The following NOTCH4 variants were observed in gnomAD, a reference collection of about 807,000 sequenced individuals.
NOTCH4 encodes notch receptor 4.
A neutral mutation model predicts 189.0 loss-of-function variants in NOTCH4; 138 were observed. The observed-to-expected ratio is 0.73, with a 90% CI of 0.64 to 0.84. The LOEUF (loss-of-function observed/expected upper bound fraction) is 0.84. NOTCH4 is among the 40% of genes least tolerant of loss of function. NOTCH4 has a pLI of 0.00. For missense variants in NOTCH4, 2,286 were observed against 2,605.4 expected (o/e 0.88, Z 2.67); for synonymous variants, 942 against 1,032.8 (o/e 0.91, Z 1.69).
chr6:32,212,822 AC>A lies in NOTCH4; in HGVS notation c.2526+1del, dbSNP rs1457393608. The A allele has an allele frequency of 6.5e-7, 1 of 1,529,154 alleles. No individual in the cohort carries two copies. Among genetic ancestry groups the A allele is most frequent in the East Asian group, 2.4e-5 (1 of 40,932 alleles). The allele number at this position is 1,529,154 out of a possible 1,614,324, so 94.7% of individuals were successfully genotyped here. Reference sequence around the variant, plus strand: ...AGCACGCCTGACTTCAATGGCCCTCACCTGGCAGCTGCCTCCGGTGTAGCCA... The same window carrying A: ...AGCACGCCTGACTTCAATGGCCCTCACTGGCAGCTGCCTCCGGTGTAGCCA... On this transcript the variant is annotated splice_donor_variant, in intron 16 of 29. Transcript: ENST00000375023. LOFTEE classifies it high-confidence loss of function. This position sits in a 1 kb window ranked among gnomAD's most constrained non-coding sequence, Gnocchi z 4.4.
Position 32,197,595 on chromosome 6 carries a change from C to T in NOTCH4, c.4757-1G>A. Reference sequence around the variant, plus strand: ...GCTGACATCAGGGGTGTCACCCCATCTGTTGGTAAGACAGAGTAATGGGTC... The same window carrying T: ...GCTGACATCAGGGGTGTCACCCCATTTGTTGGTAAGACAGAGTAATGGGTC... On this transcript the variant is annotated splice_acceptor_variant, in intron 26 of 29. Coordinates refer to ENST00000375023, the MANE Select transcript of NOTCH4 (RefSeq NM_004557.4). LOFTEE classifies it high-confidence loss of function. 2 of 1,608,454 alleles carry T rather than the reference C, an allele frequency of 1.2e-6. No individual in the cohort carries two copies. The highest frequency in any genetic ancestry group is 1.7e-6 in the Non-Finnish European group (2 of 1,177,440).
rs781620251 is a variant in NOTCH4, at chr6:32,198,737, A to G, written c.4536-7T>C. 6.8e-6 allele frequency: 11 copies of G among 1,608,020 alleles called. No homozygotes were observed. The highest frequency in any genetic ancestry group is 9.3e-6 in the Non-Finnish European group (11 of 1,177,670). On this transcript the variant is annotated splice_polypyrimidine_tract_variant and splice_region_variant and intron_variant, in intron 24 of 29. Coordinates refer to ENST00000375023, the MANE Select transcript of NOTCH4 (RefSeq NM_004557.4). The surrounding 1 kb of genome is among the most constrained non-coding windows in gnomAD (Gnocchi z 5.5). ...TGCCTTTGGCTTCAGTGCCCTGGAA[A>G]GGAATGGGTGGGTAGAGGTTACACG...
chr6:32,201,930 C>T lies in NOTCH4; in HGVS notation c.3755+146G>A, dbSNP rs149444514. ...ACCCTAGGTTGGAGTCCAGAGTCTT[C>T]GACCCCTGTTTAGTGATGGTTATTA... On this transcript the variant is annotated intron_variant, in intron 21 of 29. Transcript: ENST00000375023. This position sits in a 1 kb window ranked among gnomAD's most constrained non-coding sequence, Gnocchi z 5.5. 2.6e-5 allele frequency: 18 copies of T among 704,900 alleles called. No individual in the cohort carries two copies. The highest frequency in any genetic ancestry group is 2.2e-4 in the African/African-American group (12 of 55,238). 43.7% of individuals were successfully genotyped at this position (704,900 alleles called of 1,614,324 possible).
chr6:32,202,153 G>A lies in NOTCH4; in HGVS notation c.3678C>T (p.Asp1226=), dbSNP rs897448132. 1.4e-5 allele frequency: 21 copies of A among 1,517,528 alleles called. No individual in the cohort carries two copies. In the East Asian group the frequency reaches 2.3e-4, roughly 16 times the overall value. 94.0% of individuals were successfully genotyped at this position (1,517,528 alleles called of 1,614,324 possible). Residue 1226 remains aspartate, a synonymous_variant, in exon 21 of 30, where the codon GAC becomes GAT. Coordinates refer to ENST00000375023, the MANE Select transcript of NOTCH4 (RefSeq NM_004557.4). This position sits in a 1 kb window ranked among gnomAD's most constrained non-coding sequence, Gnocchi z 5.7. ...AGTCACACTGTGGGTGGCACTGCCC[G>A]TCCCGGAAGAGAAGCCAGCACCGAG... ...SHSRCWLLFR[D]GQCHPQCDSE...
In NOTCH4 at chr6:32,202,663, C is replaced by T; in HGVS notation, c.3232-64G>A. On this transcript the variant is annotated intron_variant, in intron 20 of 29. Transcript: ENST00000375023. This position sits in a 1 kb window ranked among gnomAD's most constrained non-coding sequence, Gnocchi z 5.7. ...ATTATTCTTCCCGCTCTCCATCAAG[C>T]AAACTCTTGGGTTAAGACGGTGCAG... The T allele has an allele frequency of 6.9e-7, 1 of 1,454,534 alleles. No homozygotes were observed. The highest frequency in any genetic ancestry group is 2.4e-5 in the East Asian group (1 of 42,374). 90.1% of individuals were successfully genotyped at this position (1,454,534 alleles called of 1,614,324 possible).
chr6:32,196,859 G>C, intron 28 of NOTCH4, 66 bp downstream of exon 28: 1 of 1,580,348 alleles, frequency 6.3e-7, no homozygotes, highest in South Asian at 1.1e-5. Flanking sequence ...CCTATATTTT[G>C]CACGCTATCT....
chr6:32,210,751 C>A lies in NOTCH4; in HGVS notation c.2865+1G>T, dbSNP rs776196048. ...CCCCCTTCTCCTGCAGACCCTCTCA[C>A]CTGGCAGAGATACCCACTGGGCTGG... On this transcript the variant is annotated splice_donor_variant, in intron 18 of 29. Transcript: ENST00000375023. LOFTEE classifies it high-confidence loss of function. This position sits in a 1 kb window ranked among gnomAD's most constrained non-coding sequence, Gnocchi z 4.8. The A allele has an allele frequency of 6.2e-7, 1 of 1,612,256 alleles. No homozygotes were observed. Among genetic ancestry groups the A allele is most frequent in the South Asian group, 1.1e-5 (1 of 91,052 alleles).
chr6:32,209,796 CTGCT>C (rs747266769), intron 18 of NOTCH4, among the ~76,000 whole-genome samples: 2 of 151,606 alleles, frequency 1.3e-5, no homozygotes, highest in African/African-American at 2.4e-5. Context: ...GACATGAGAA[CTGCT>C]TGAACCTGGG....
At chr6:32,209,306 T>C (rs1271908547) in intron 18 of NOTCH4, among the ~76,000 whole-genome samples, 2 of 151,968 alleles carry the variant, frequency 1.3e-5, no homozygotes, top group African/African-American at 2.4e-5. Context: ...AAAAAGTTAG[T>C]CTCATGGAAG....
At chr6:32,208,820 A>C (rs2127473844) in intron 18 of NOTCH4, among the ~76,000 whole-genome samples, 1 of 152,372 alleles carries the variant, frequency 6.6e-6, no homozygotes, top group Middle Eastern at 3.4e-3. Context: ...GTGGGAATGT[A>C]AACTAACACA....
In NOTCH4 at chr6:32,212,495, G is replaced by A; in HGVS notation, c.2659C>T (p.Gln887Ter). 1.2e-6 allele frequency: 2 copies of A among 1,612,142 alleles called. No individual in the cohort carries two copies. The highest frequency in any genetic ancestry group is 1.7e-6 in the Non-Finnish European group (2 of 1,179,464). The part of the protein sequence containing the change: ...PLCNLPLSSC[Q>*]KAALSQGIDV... ...TTACCTTGGCTCAGTGCAGCCTTCTGGCAGGAGGACAGTGGAAGGTTGCAG... is the reference window on the plus strand; with the variant it reads ...TTACCTTGGCTCAGTGCAGCCTTCTAGCAGGAGGACAGTGGAAGGTTGCAG... Residue 887 changes from glutamine (Q) to a stop codon, truncating the protein, a stop_gained, in exon 17 of 30, where the codon CAG becomes TAG. Coordinates refer to ENST00000375023, the MANE Select transcript of NOTCH4 (RefSeq NM_004557.4). LOFTEE classifies it high-confidence loss of function. The surrounding 1 kb of genome is among the most constrained non-coding windows in gnomAD (Gnocchi z 4.4).
In NOTCH4 at chr6:32,199,703, C is replaced by CAAAACA. The variant is rs112708318; in HGVS notation, c.4316-559_4316-558insTGTTTT. On this transcript the variant is annotated intron_variant, in intron 23 of 29. Transcript: ENST00000375023. The surrounding 1 kb of genome is among the most constrained non-coding windows in gnomAD (Gnocchi z 4.9). ...TGGGCGACAAGGCAAGACTCTGTCT[C>CAAAACA]AAACAAAACAAAACAAAAACAAAAA... 6.6e-6 allele frequency among the ~76,000 whole-genome samples: 1 copy of CAAAACA among 150,608 alleles called. No individual in the cohort carries two copies. Among genetic ancestry groups the CAAAACA allele is most frequent in the African/African-American group, 2.5e-5 (1 of 40,796 alleles).
Position 32,198,851 on chromosome 6 carries a change from C to T in NOTCH4, c.4535+75G>A. The T allele has an allele frequency of 6.8e-7, 1 of 1,462,380 alleles. No homozygotes were observed. The highest frequency in any genetic ancestry group is 1.3e-5 in the South Asian group (1 of 74,880). The allele number at this position is 1,462,380 out of a possible 1,614,324, so 90.6% of individuals were successfully genotyped here. On this transcript the variant is annotated intron_variant, in intron 24 of 29. Transcript: ENST00000375023. The surrounding 1 kb of genome is among the most constrained non-coding windows in gnomAD (Gnocchi z 5.5). ...ATCTTTGACTTCTGCAATAGTATTT[C>T]TTATCTTTTCTGATTGTAAATATCG...
In NOTCH4 at chr6:32,221,247, TG is replaced by T. The variant is rs2127489223; in HGVS notation, c.529del (p.Gln177ArgfsTer75). ...GCCCGGTGGGCAGTGGCACTGGATCTGGGGGTATGTGGCCAGACACACCCCT... is the reference window on the plus strand; with the variant it reads ...GCCCGGTGGGCAGTGGCACTGGATCTGGGGTATGTGGCCAGACACACCCCT... ...NGGVCLATYP[Q>X]IQCHCPPGFE... On this transcript the variant is annotated frameshift_variant, in exon 4 of 30. Transcript: ENST00000375023. LOFTEE classifies it high-confidence loss of function. This position sits in a 1 kb window ranked among gnomAD's most constrained non-coding sequence, Gnocchi z 4.3. The T allele has an allele frequency of 6.2e-7, 1 of 1,613,020 alleles. No individual in the cohort carries two copies.
At chr6:32,197,668 GA>G in intron 26 of NOTCH4, 74 bp from the exon 27 acceptor site, 1 of 1,351,512 alleles carries the variant, frequency 7.4e-7, no homozygotes, top group Admixed American at 2.5e-5. Flanking sequence ...TAAGCTCAGA[GA>G]GAATCAAAAC....
chr6:32,213,302 C>T (rs1411059165), intron 14 of NOTCH4, 50 bp from the exon 15 acceptor site: 2 of 1,304,562 alleles, frequency 1.5e-6, no homozygotes, highest in African/African-American at 1.4e-5. Context: ...GTAACCTGGC[C>T]TGTGACCTCA....
rs1788137466 is a variant in NOTCH4 at position 32,198,724 on chromosome 6, C to T, written c.4542G>A (p.Leu1514=). The T allele has an allele frequency of 1.9e-6, 3 of 1,610,994 alleles. No individual in the cohort carries two copies. Among genetic ancestry groups the T allele is most frequent in the South Asian group, 1.1e-5 (1 of 90,738 alleles). Residue 1514 remains leucine, a synonymous_variant, in exon 25 of 30, where the codon CTG becomes CTA. Transcript: ENST00000375023. This position sits in a 1 kb window ranked among gnomAD's most constrained non-coding sequence, Gnocchi z 5.5. ...CCTCATCAACTTCTGCCTTTGGCTT[C>T]AGTGCCCTGGAAAGGAATGGGTGGG... is the stretch of plus-strand genomic sequence containing the variant. ...LGEDSIGLKA[L]KPKAEVDEDG... is the part of the protein sequence containing the mutation.
chr6:32,196,448 C>A (rs760191033), intron 28 of NOTCH4, 27 bp from the exon 29 acceptor site: 1 of 1,610,494 alleles, frequency 6.2e-7, no homozygotes, highest in Admixed American at 1.7e-5. Flanking sequence ...GAGGTTGTTA[C>A]CCCAGTTGGG....
intron 19 of NOTCH4, 93 bp from the exon 20 acceptor site, chr6:32,203,975 G>A (rs1018077184): frequency 5.3e-5 from 74 of 1,407,800 alleles, no homozygotes; most frequent in Admixed American, 2.1e-4. Context: ...TGCTAGATGT[G>A]CAGGTGAAGG....
Sources: gnomAD v4.1 joint callset for allele counts (sites outside exome capture counted in the v4.1 genomes callset) on GRCh38, gnomAD v4.1.1 for gene constraint, Gnocchi (gnomAD v3.1) non-coding constraint, MANE v1.5 for transcripts, NCBI Gene and HGNC (gene_info 2026-07-23, HGNC 2026-07-21) for gene names.